The following POLR2I variants were observed in gnomAD, a reference collection of about 807,000 sequenced individuals.
POLR2I encodes the protein RNA polymerase II subunit I.
A neutral mutation model predicts 23.0 loss-of-function variants in POLR2I; 15 were observed. The ratio of observed to expected loss-of-function variants is 0.65; its 90% CI spans 0.44 to 1.00. The LOEUF (loss-of-function observed/expected upper bound fraction) is 1.00. Ranked by LOEUF, POLR2I falls within the 50% of genes least tolerant of loss-of-function variation. POLR2I has a pLI of 0.00. For missense variants in POLR2I, 120 were observed against 173.7 expected, an observed-to-expected ratio of 0.69 and a Z score of 1.74; for synonymous variants, 72 against 65.4, an observed-to-expected ratio of 1.10 and a Z score of -0.49.
At position 36,114,686 on chromosome 19, in the gene POLR2I, G is replaced by C. The variant is rs149812865; in HGVS notation, c.87C>G (p.Asp29Glu). 1.2e-6 allele frequency: 2 copies of C among 1,611,150 alleles called. No individual in the cohort carries two copies. The highest frequency in any genetic ancestry group is 2.2e-5 in the South Asian group (2 of 91,012). The change falls in exon 2 of 6, where the codon GAC becomes GAG. Residue 29 changes from aspartate (D) to glutamate (E), a missense_variant. Coordinates refer to ENST00000221859, the MANE Select transcript of POLR2I (RefSeq NM_006233.5). The surrounding 1 kb of genome is among the most constrained non-coding windows in gnomAD (Gnocchi z 4.5). ...ECNNMLYPKE[D>E]KENRILLYAC... ...CGTAGAGCAGAATGCGGTTCTCCTT[G>C]TCTTCCTTGGGGTACAGCATGTTGT...
In POLR2I at chr19:36,114,049, G is replaced by A. The variant is rs1411837649; in HGVS notation, c.281C>T (p.Ala94Val). The change falls in exon 5 of 6, where the codon GCT becomes GTT. Residue 94 changes from alanine to valine, a missense_variant. By Grantham distance (64) the Ala-to-Val change is moderately conservative. Coordinates refer to ENST00000221859, the MANE Select transcript of POLR2I (RefSeq NM_006233.5). The surrounding 1 kb of genome is among the most constrained non-coding windows in gnomAD (Gnocchi z 4.5). Reference protein sequence around the residue: ...HPCQKCGHKEAVFFQSHSARA... With the variant: ...HPCQKCGHKEVVFFQSHSARA... ...CGCACTGTGTGACTGGAAGAACACA[G>A]CCTCCTTGTGGCCGCACCTGAGAGG... 1 of 1,613,930 alleles carries A rather than the reference G, an allele frequency of 6.2e-7. No homozygotes were observed. The highest frequency in any genetic ancestry group is 8.5e-7 in the Non-Finnish European group (1 of 1,179,998).
In POLR2I at chr19:36,114,166, T is replaced by C; in HGVS notation, c.263+11A>G. The C allele has an allele frequency of 1.2e-6, 2 of 1,614,140 alleles. No homozygotes were observed. The highest frequency in any genetic ancestry group is 2.2e-5 in the East Asian group (1 of 44,882). On this transcript the variant is annotated intron_variant, in intron 4 of 5. Coordinates refer to ENST00000221859, the MANE Select transcript of POLR2I (RefSeq NM_006233.5). The surrounding 1 kb of genome is among the most constrained non-coding windows in gnomAD (Gnocchi z 4.5). Reference sequence around the variant, plus strand: ...CTCACTTTACCTCCCCAGTACCAGCTGAACGCTCACTTTTGGCACGGGTGG... The same window carrying C: ...CTCACTTTACCTCCCCAGTACCAGCCGAACGCTCACTTTTGGCACGGGTGG...
rs1265939097 is a variant in POLR2I, at chr19:36,114,264, G to A, written c.189-13C>T. 3 of 1,613,932 alleles carry A rather than the reference G, an allele frequency of 1.9e-6. No individual in the cohort carries two copies. Among genetic ancestry groups the A allele is most frequent in the Non-Finnish European group, 2.5e-6 (3 of 1,179,938 alleles). On this transcript the variant is annotated splice_polypyrimidine_tract_variant and intron_variant, in intron 3 of 5. Transcript: ENST00000221859. The surrounding 1 kb of genome is among the most constrained non-coding windows in gnomAD (Gnocchi z 4.5). ...CTGGGTCAGTTCGCTGCAGGGACGC[G>A]GGGGTGCAAAATTACGCTCAGACCC...
chr19:36,114,845 G>A lies in POLR2I; in HGVS notation c.12C>T (p.Asp4=), dbSNP rs1310650431. Reference sequence around the variant, plus strand: ...CCACGAAGCCCGGCTCGTAAGTCCCGTCGGGCTCCATGGCGACGCGCAGCC... The same window carrying A: ...CCACGAAGCCCGGCTCGTAAGTCCCATCGGGCTCCATGGCGACGCGCAGCC... The part of the protein sequence containing the change: MEP[D]GTYEPGFVGI... Residue 4 remains aspartate (D), a synonymous_variant, in exon 1 of 6, where the codon GAC becomes GAT. Coordinates refer to ENST00000221859, the MANE Select transcript of POLR2I (RefSeq NM_006233.5). This position sits in a 1 kb window ranked among gnomAD's most constrained non-coding sequence, Gnocchi z 4.5. 6.8e-6 allele frequency: 11 copies of A among 1,613,784 alleles called. No individual in the cohort carries two copies. The highest frequency in any genetic ancestry group is 9.3e-6 in the Non-Finnish European group (11 of 1,179,982).
chr19:36,114,465 G>C lies in POLR2I; in HGVS notation c.115-53C>G. 2 of 1,546,874 alleles carry C rather than the reference G, an allele frequency of 1.3e-6. No homozygotes were observed. The highest frequency in any genetic ancestry group is 1.8e-6 in the Non-Finnish European group (2 of 1,119,696). On this transcript the variant is annotated intron_variant, in intron 2 of 5. Transcript: ENST00000221859. The surrounding 1 kb of genome is among the most constrained non-coding windows in gnomAD (Gnocchi z 4.5). ...GGGGTCACGGAAGGATTCCAGACAA[G>C]ATTGGGAGGAGAGGGCAGGGTGATC...
In POLR2I at chr19:36,114,036, C is replaced by T; in HGVS notation, c.294G>A (p.Gln98=). Residue 98 remains glutamine, a synonymous_variant, in exon 5 of 6, where the codon CAG becomes CAA. Coordinates refer to ENST00000221859, the MANE Select transcript of POLR2I (RefSeq NM_006233.5). The surrounding 1 kb of genome is among the most constrained non-coding windows in gnomAD (Gnocchi z 4.5). Reference sequence around the variant, plus strand: ...TTACCTCGGCCCGCGCACTGTGTGACTGGAAGAACACAGCCTCCTTGTGGC... The same window carrying T: ...TTACCTCGGCCCGCGCACTGTGTGATTGGAAGAACACAGCCTCCTTGTGGC... The part of the protein sequence containing the change: ...KCGHKEAVFF[Q]SHSARAEDAM... 1 of 1,614,060 alleles carries T rather than the reference C, an allele frequency of 6.2e-7. No individual in the cohort carries two copies. The highest frequency in any genetic ancestry group is 8.5e-7 in the Non-Finnish European group (1 of 1,179,998).
rs1159566797 is a variant in POLR2I, at chr19:36,114,436, A to G, written c.115-24T>C. ...CACTACGAGAGGGCGAGTGTGGGGG[A>G]AAGGGGGTCACGGAAGGATTCCAGA... On this transcript the variant is annotated intron_variant, in intron 2 of 5. Transcript: ENST00000221859. This position sits in a 1 kb window ranked among gnomAD's most constrained non-coding sequence, Gnocchi z 4.5. The G allele has an allele frequency of 1.2e-6, 2 of 1,608,506 alleles. No individual in the cohort carries two copies. The highest frequency in any genetic ancestry group is 2.7e-5 in the African/African-American group (2 of 74,794).
Position 36,114,566 on chromosome 19 carries a change from A to G in POLR2I, c.114+93T>C. 1.5e-6 allele frequency: 2 copies of G among 1,346,798 alleles called. No homozygotes were observed. Among genetic ancestry groups the G allele is most frequent in the Middle Eastern group, 1.9e-4 (1 of 5,360 alleles). The allele number at this position is 1,346,798 out of a possible 1,614,324, so 83.4% of individuals were successfully genotyped here. On this transcript the variant is annotated intron_variant, in intron 2 of 5. Transcript: ENST00000221859. The surrounding 1 kb of genome is among the most constrained non-coding windows in gnomAD (Gnocchi z 4.5). Reference sequence around the variant, plus strand: ...GTCAGGATCACTTGAGGTGCAGCGGAGGGCGAACAGGGAGTCCGATCACAG... The same window carrying G: ...GTCAGGATCACTTGAGGTGCAGCGGGGGGCGAACAGGGAGTCCGATCACAG...
At position 36,114,548 on chromosome 19, in the gene POLR2I, T is replaced by A; in HGVS notation, c.114+111A>T. 1 of 1,306,298 alleles carries A rather than the reference T, an allele frequency of 7.7e-7. No homozygotes were observed. The allele number at this position is 1,306,298 out of a possible 1,614,324, so 80.9% of individuals were successfully genotyped here. On this transcript the variant is annotated intron_variant, in intron 2 of 5. Transcript: ENST00000221859. The surrounding 1 kb of genome is among the most constrained non-coding windows in gnomAD (Gnocchi z 4.5). The stretch of plus-strand genomic sequence containing the variant: ...GATGGGCAGGACATGAGAGTCAGGA[T>A]CACTTGAGGTGCAGCGGAGGGCGAA...
rs773348186 is a variant in POLR2I at position 36,114,677 on chromosome 19, GTTC to G, written c.93_95del (p.Glu31_Asn32delinsAsp). 6.2e-7 allele frequency: 1 copy of G among 1,610,610 alleles called. No individual in the cohort carries two copies. Among genetic ancestry groups the G allele is most frequent in the Non-Finnish European group, 8.5e-7 (1 of 1,177,152 alleles). On this transcript the variant is annotated inframe_deletion, in exon 2 of 6. Coordinates refer to ENST00000221859, the MANE Select transcript of POLR2I (RefSeq NM_006233.5). The surrounding 1 kb of genome is among the most constrained non-coding windows in gnomAD (Gnocchi z 4.5). Reference sequence around the variant, plus strand: ...CGCTCACCGCGTAGAGCAGAATGCGGTTCTCCTTGTCTTCCTTGGGGTACAGCA... The same window carrying G: ...CGCTCACCGCGTAGAGCAGAATGCGGTCCTTGTCTTCCTTGGGGTACAGCA...
In POLR2I at chr19:36,113,800, G is replaced by GT. The variant is rs1568379884; in HGVS notation, c.332dup (p.Tyr111Ter). The change falls in exon 6 of 6, where the codon TAC becomes TAAC. Residue 111 changes from tyrosine (Y) to a stop codon, truncating the protein, a stop_gained and frameshift_variant. Coordinates refer to ENST00000221859, the MANE Select transcript of POLR2I (RefSeq NM_006233.5). LOFTEE classifies it high-confidence loss of function. The part of the protein sequence containing the change: ...SARAEDAMRL[Y>*]YVCTAPHCGH... The stretch of plus-strand genomic sequence containing the variant: ...CGCAGTGTGGGGCTGTGCACACGTA[G>GT]TAAAGGCGCATGGCGTCCTGGCAGA... 6.2e-7 allele frequency: 1 copy of GT among 1,613,108 alleles called. No individual in the cohort carries two copies. The highest frequency in any genetic ancestry group is 8.5e-7 in the Non-Finnish European group (1 of 1,179,950).
In POLR2I at chr19:36,114,232, C is replaced by A; in HGVS notation, c.208G>T (p.Ala70Ser). The A allele has an allele frequency of 6.2e-7, 1 of 1,613,996 alleles. No homozygotes were observed. The highest frequency in any genetic ancestry group is 8.5e-7 in the Non-Finnish European group (1 of 1,179,986). Residue 70 changes from alanine (A) to serine (S), a missense_variant, in exon 4 of 6, where the codon GCC (alanine) becomes TCC (serine). Transcript: ENST00000221859. The surrounding 1 kb of genome is among the most constrained non-coding windows in gnomAD (Gnocchi z 4.5). ...AACGTGGGGTCCTGGGACACGTCGGCGATAATCTGGGTCAGTTCGCTGCAG... is the reference window on the plus strand; with the variant it reads ...AACGTGGGGTCCTGGGACACGTCGGAGATAATCTGGGTCAGTTCGCTGCAG... ...HEVDELTQII[A>S]DVSQDPTLPR...
In POLR2I at chr19:36,113,751, G is replaced by A. The variant is rs1224358345; in HGVS notation, c.*4C>T. ...TGTTTATTACACTCGGGGGAGAGAGGAGGTCACTCGGTCCAGCGGTGGCCG... is the reference window on the plus strand; with the variant it reads ...TGTTTATTACACTCGGGGGAGAGAGAAGGTCACTCGGTCCAGCGGTGGCCG... On this transcript the variant is annotated 3_prime_UTR_variant, in exon 6 of 6. Transcript: ENST00000221859. 4 of 1,613,350 alleles carry A rather than the reference G, an allele frequency of 2.5e-6. No individual in the cohort carries two copies. The African/African-American group carries it at 4.0e-5, about 16-fold the overall frequency.
chr19:36,114,311 C>A lies in POLR2I; in HGVS notation c.188+28G>T, dbSNP rs1207147579. 3 of 1,613,532 alleles carry A rather than the reference C, an allele frequency of 1.9e-6. No individual in the cohort carries two copies. Among genetic ancestry groups the A allele is most frequent in the Non-Finnish European group, 2.5e-6 (3 of 1,179,638 alleles). ...ACCCAGCCTCCAGAGCCAACACCCC[C>A]GCCCCCAGCTCAGGGCCCGCCACTC... On this transcript the variant is annotated intron_variant, in intron 3 of 5. Transcript: ENST00000221859. This position sits in a 1 kb window ranked among gnomAD's most constrained non-coding sequence, Gnocchi z 4.5.
rs1483378774 is a variant in POLR2I, at chr19:36,114,531, G to A, written c.115-119C>T. 8.5e-6 allele frequency: 11 copies of A among 1,287,448 alleles called. No homozygotes were observed. Among genetic ancestry groups the A allele is most frequent in the Middle Eastern group, 3.8e-4 (2 of 5,286 alleles). 79.8% of individuals were successfully genotyped at this position (1,287,448 alleles called of 1,614,324 possible). A position where few individuals can be genotyped will look rare whatever the true frequency, so the allele number is the denominator to read the frequency against. On this transcript the variant is annotated intron_variant, in intron 2 of 5. Coordinates refer to ENST00000221859, the MANE Select transcript of POLR2I (RefSeq NM_006233.5). This position sits in a 1 kb window ranked among gnomAD's most constrained non-coding sequence, Gnocchi z 4.5. ...ACAGGACTCTCTTTGGGGATGGGCA[G>A]GACATGAGAGTCAGGATCACTTGAG...
chr19:36,114,020 C>G lies in POLR2I; in HGVS notation c.310G>C (p.Ala104Pro). 1 of 1,613,964 alleles carries G rather than the reference C, an allele frequency of 6.2e-7. No homozygotes were observed. The highest frequency in any genetic ancestry group is 8.5e-7 in the Non-Finnish European group (1 of 1,179,966). The change falls in exon 5 of 6, where the codon GCC becomes CCC. Residue 104 changes from alanine to proline, a missense_variant. Transcript: ENST00000221859. The surrounding 1 kb of genome is among the most constrained non-coding windows in gnomAD (Gnocchi z 4.5). ...AVFFQSHSAR[A>P]EDAMRLYYVC... Reference sequence around the variant, plus strand: ...AAAGCCCTCGCGCCACTTACCTCGGCCCGCGCACTGTGTGACTGGAAGAAC... The same window carrying G: ...AAAGCCCTCGCGCCACTTACCTCGGGCCGCGCACTGTGTGACTGGAAGAAC...
chr19:36,114,669 A>C lies in POLR2I; in HGVS notation c.104T>G (p.Leu35Arg). ...GACCCCGGCGCTCACCGCGTAGAGC[A>C]GAATGCGGTTCTCCTTGTCTTCCTT... Reference protein sequence around the residue: ...YPKEDKENRILLYACRNCDYQ... With the variant: ...YPKEDKENRIRLYACRNCDYQ... The change falls in exon 2 of 6, where the codon CTG becomes CGG. Residue 35 changes from leucine (L) to arginine (R), a missense_variant. Leu to Arg is a moderately radical substitution (Grantham distance 102). Transcript: ENST00000221859. This position sits in a 1 kb window ranked among gnomAD's most constrained non-coding sequence, Gnocchi z 4.5. 6.2e-7 allele frequency: 1 copy of C among 1,609,848 alleles called. No individual in the cohort carries two copies. The highest frequency in any genetic ancestry group is 8.5e-7 in the Non-Finnish European group (1 of 1,176,540).
At position 36,114,122 on chromosome 19, in the gene POLR2I, G is replaced by T; in HGVS notation, c.263+55C>A. 5.0e-6 allele frequency: 8 copies of T among 1,613,024 alleles called. No individual in the cohort carries two copies. The highest frequency in any genetic ancestry group is 6.8e-6 in the Non-Finnish European group (8 of 1,179,118). On this transcript the variant is annotated intron_variant, in intron 4 of 5. Transcript: ENST00000221859. The surrounding 1 kb of genome is among the most constrained non-coding windows in gnomAD (Gnocchi z 4.5). Reference sequence around the variant, plus strand: ...CTTCACACCCTTCCCTCCTCCCTTCGCCCAGTGAGGAGACGAGCCTCACTT... The same window carrying T: ...CTTCACACCCTTCCCTCCTCCCTTCTCCCAGTGAGGAGACGAGCCTCACTT...
At position 36,114,868 on chromosome 19, in the gene POLR2I, G is replaced by T. The variant is rs373082247; in HGVS notation, c.-12C>A. 6.8e-6 allele frequency: 11 copies of T among 1,612,304 alleles called. No homozygotes were observed. The highest frequency in any genetic ancestry group is 6.7e-5 in the Admixed American group (4 of 59,998). ...CCGTCGGGCTCCATGGCGACGCGCA[G>T]CCCGCGCAGCCCTCCCAGCCTTCCG... On this transcript the variant is annotated 5_prime_UTR_variant, in exon 1 of 6. It adds an upstream start codon to the 5' untranslated region. Transcript: ENST00000221859. This position sits in a 1 kb window ranked among gnomAD's most constrained non-coding sequence, Gnocchi z 4.5.
Sources: gnomAD v4.1 joint callset for allele counts on GRCh38, gnomAD v4.1.1 for gene constraint, Gnocchi (gnomAD v3.1) non-coding constraint, MANE v1.5 for transcripts, NCBI Gene and HGNC (gene_info 2026-07-23, HGNC 2026-07-21) for gene names.